NRG3: variants seen among roughly 807,000 people sequenced by gnomAD.
NRG3 encodes neuregulin 3.
In NRG3, 31 loss-of-function variants were observed where a neutral mutation model predicts 66.9. That is an observed-to-expected ratio of 0.46 (90% CI 0.35 to 0.63). The LOEUF is 0.63. Ranked by LOEUF, NRG3 falls within the 20% of genes least tolerant of loss-of-function variation. The pLI, the probability that NRG3 is intolerant of heterozygous loss-of-function variation, is 0.00. For synonymous variants in NRG3, 393 were observed against 359.4 expected (o/e 1.09, Z -1.06); for missense variants, 910 against 878.9 (o/e 1.04, Z -0.45).
intron 2 of NRG3, among the ~76,000 whole-genome samples, chr10:82,572,638 A>AT (rs958818719): frequency 1.3e-5 from 2 of 150,758 alleles, no homozygotes; most frequent in African/African-American, 2.4e-5. Context: ...TTCTTCTTTT[A>AT]TTTTTTATTT....
intron 1 of NRG3, among the ~76,000 whole-genome samples, chr10:82,016,165 G>A (rs2061778193): frequency 6.6e-6 from 1 of 151,924 alleles, no homozygotes; most frequent in African/African-American, 2.4e-5. Context: ...GAAGCTTAGG[G>A]ACCAGTGTGA....
At chr10:81,954,617 T>C (rs1849657086) in intron 1 of NRG3, among the ~76,000 whole-genome samples, 1 of 152,136 alleles carries the variant, frequency 6.6e-6, no homozygotes, top group South Asian at 2.1e-4. Context: ...ATCAGTCTGC[T>C]GCTAAAATGA....
Position 82,348,588 on chromosome 10 carries a change from G to A in NRG3, c.824-10151G>A, listed in dbSNP as rs558531423. Among the ~76,000 whole-genome samples, 11 of 146,294 alleles carry A rather than the reference G, an allele frequency of 7.5e-5. No homozygotes were observed. In the East Asian group the frequency reaches 2.0e-3, roughly 27 times the overall value. On this transcript the variant is annotated intron_variant, in intron 1 of 8. Coordinates refer to ENST00000372141, the MANE Select transcript of NRG3 (RefSeq NM_001010848.4). The stretch of plus-strand genomic sequence containing the variant: ...GAGGAGTATCTTTGTGGCGTTCTCT[G>A]TATTTCCTGAATCTGAACGTTGGCC...
chr10:82,632,890 C>T (rs2049940107), intron 2 of NRG3, among the ~76,000 whole-genome samples: 1 of 152,148 alleles, frequency 6.6e-6, no homozygotes, highest in African/African-American at 2.4e-5. Context: ...GAAGTTACAA[C>T]AGTTAAGAAT....
chr10:82,405,583 A>T (rs2087456736), intron 2 of NRG3, among the ~76,000 whole-genome samples: 1 of 150,908 alleles, frequency 6.6e-6, no homozygotes, highest in East Asian at 2.0e-4. Flanking sequence ...CAACCTCCTG[A>T]TGCACACCTG....
intron 1 of NRG3, among the ~76,000 whole-genome samples, chr10:82,241,213 T>C (rs185982071): frequency 6.6e-6 from 1 of 152,234 alleles, no homozygotes; most frequent in Non-Finnish European, 1.5e-5. Context: ...TGTATAAAAA[T>C]ATCCCTAAAA....
At chr10:82,624,410 T>C (rs567889251) in intron 2 of NRG3, among the ~76,000 whole-genome samples, 132 of 152,176 alleles carry the variant, frequency 8.7e-4, no homozygotes, top group Middle Eastern at 3.4e-3. Context: ...CCTTCCTTTT[T>C]CCCCCACCTT....
chr10:82,554,662 C>T (rs2044533678), intron 2 of NRG3, among the ~76,000 whole-genome samples: 1 of 152,124 alleles, frequency 6.6e-6, no homozygotes, highest in African/African-American at 2.4e-5. Flanking sequence ...TAAGGGAGCT[C>T]AGGCATGTTC....
intron 4 of NRG3, among the ~76,000 whole-genome samples, chr10:82,949,293 A>G (rs1849301267): frequency 6.6e-6 from 1 of 152,112 alleles, no homozygotes; most frequent in South Asian, 2.1e-4. Context: ...AAAATTTATT[A>G]AGATTTTTGC....
intron 1 of NRG3, among the ~76,000 whole-genome samples, chr10:82,327,962 C>T (rs1361499552): frequency 6.6e-6 from 1 of 152,198 alleles, no homozygotes; most frequent in East Asian, 1.9e-4. Flanking sequence ...CCAGACCTAT[C>T]ATATAAGGGA....
intron 2 of NRG3, among the ~76,000 whole-genome samples, chr10:82,598,914 G>A (rs12762819): frequency 0.037 from 5,635 of 152,096 alleles, 150 homozygotes; most frequent in Non-Finnish European, 0.052. Flanking sequence ...GCTGGGCATG[G>A]TGGCGCACAC....
intron 1 of NRG3, among the ~76,000 whole-genome samples, chr10:81,939,489 A>T (rs957762041): frequency 6.6e-6 from 1 of 151,634 alleles, no homozygotes; most frequent in African/African-American, 2.4e-5. Flanking sequence ...TTTCATGTTC[A>T]GTCTTGGTAA....
chr10:82,118,902 T>C (rs1002227511), intron 1 of NRG3, among the ~76,000 whole-genome samples: 1 of 152,160 alleles, frequency 6.6e-6, no homozygotes, highest in African/African-American at 2.4e-5. Context: ...AGTTGGTCCT[T>C]CAAACAGGCT....
In NRG3 at chr10:82,796,161, T is replaced by C. The variant is rs118006316; in HGVS notation, c.1027+57511T>C. The stretch of plus-strand genomic sequence containing the variant: ...TGTTGTGGGTGTACTTTTAGGCTCA[T>C]GTGAGATCATGAATATGGTGCATTC... On this transcript the variant is annotated intron_variant, in intron 3 of 8. Transcript: ENST00000372141. 1.8e-3 allele frequency among the ~76,000 whole-genome samples: 274 copies of C among 152,314 alleles called. 5 individuals carry two copies. In the East Asian group the frequency reaches 0.049, roughly 27 times the overall value.
intron 2 of NRG3, among the ~76,000 whole-genome samples, chr10:82,567,218 C>T (rs893671771): frequency 6.6e-6 from 1 of 151,900 alleles, no homozygotes; most frequent in African/African-American, 2.4e-5. Flanking sequence ...ATGAGGAAGT[C>T]TTGGAAGTAC....
intron 1 of NRG3, among the ~76,000 whole-genome samples, chr10:82,022,912 GATTT>G (rs2062126658): frequency 6.7e-6 from 1 of 150,340 alleles, no homozygotes. Flanking sequence ...AATCAATTTT[GATTT>G]ATTATATATA....
intron 2 of NRG3, among the ~76,000 whole-genome samples, chr10:82,694,106 G>A (rs371290814): frequency 1.8e-4 from 27 of 152,170 alleles, no homozygotes; most frequent in East Asian, 1.6e-3. Context: ...TGATTGGTGC[G>A]TTTTTACAGA....
rs117854701 is a variant in NRG3 at position 82,890,648 on chromosome 10, C to A, written c.1054+25211C>A. Among the ~76,000 whole-genome samples, 12 of 152,244 alleles carry A rather than the reference C, an allele frequency of 7.9e-5. No individual in the cohort carries two copies. The East Asian group carries it at 2.1e-3, about 27-fold the overall frequency. On this transcript the variant is annotated intron_variant, in intron 4 of 8. Transcript: ENST00000372141. ...CTCATTTCTATTTAGCATCGTTGGACCATAAGATATATGTCTCTTCAAATT... is the reference window on the plus strand; with the variant it reads ...CTCATTTCTATTTAGCATCGTTGGAACATAAGATATATGTCTCTTCAAATT...
intron 1 of NRG3, among the ~76,000 whole-genome samples, chr10:81,997,279 C>T (rs528670690): frequency 2.0e-5 from 3 of 152,278 alleles, no homozygotes; most frequent in East Asian, 3.9e-4. Context: ...CCAGCTAAGT[C>T]AAGCCCCTTG....
Sources: gnomAD v4.1 joint callset for allele counts (sites outside exome capture counted in the v4.1 genomes callset) on GRCh38, gnomAD v4.1.1 for gene constraint, MANE v1.5 for transcripts, NCBI Gene and HGNC (gene_info 2026-07-23, HGNC 2026-07-21) for gene names.